Variants in FRZB observed in about 807,000 individuals in gnomAD.
The protein encoded by FRZB is frizzled related protein.
A neutral mutation model predicts 32.5 loss-of-function variants in FRZB; 34 were observed. That is an observed-to-expected ratio of 1.05 (90% CI 0.80 to 1.39). The LOEUF is 1.39. Ranked by LOEUF, FRZB falls within the 40% of genes most tolerant of loss-of-function variation. The pLI is 0.00. For synonymous variants in FRZB, 170 were observed against 159.2 expected (o/e 1.07, Z -0.51); for missense variants, 423 against 424.8 (o/e 1.00, Z 0.04).
Position 182,866,575 on chromosome 2 carries a change from G to A in FRZB, c.-23C>T. ...CATGATCCCGGCAGGATGGGGCAGG[G>A]TGCAGCCGCGCAGTGGACGCCAAAA... On this transcript the variant is annotated 5_prime_UTR_variant, in exon 1 of 6. Transcript: ENST00000295113. The surrounding 1 kb of genome is among the most constrained non-coding windows in gnomAD (Gnocchi z 4.5). The A allele has an allele frequency of 7.0e-7, 1 of 1,420,238 alleles. No individual in the cohort carries two copies. Among genetic ancestry groups the A allele is most frequent in the South Asian group, 1.5e-5 (1 of 66,100 alleles). The allele number at this position is 1,420,238 out of a possible 1,614,324, so 88.0% of individuals were successfully genotyped here.
chr2:182,842,952 G>GT (rs1339961867), intron 2 of FRZB, among the ~76,000 whole-genome samples: 1 of 152,074 alleles, frequency 6.6e-6, no homozygotes. Context: ...ATCACCTAAT[G>GT]TTTTTTTACT....
chr2:182,864,201 T>C (rs927492420), intron 1 of FRZB, among the ~76,000 whole-genome samples: 1 of 152,184 alleles, frequency 6.6e-6, no homozygotes, highest in African/African-American at 2.4e-5. Flanking sequence ...CTGCTTCCTA[T>C]CCATATTGAC....
chr2:182,853,000 G>A (rs1695726647), intron 2 of FRZB, among the ~76,000 whole-genome samples: 1 of 152,186 alleles, frequency 6.6e-6, no homozygotes, highest in Non-Finnish European at 1.5e-5. Context: ...GTGTTTTCAT[G>A]CCTTCCTCAT....
At chr2:182,837,407 C>T (rs1482528815) in intron 5 of FRZB, among the ~76,000 whole-genome samples, 1 of 152,000 alleles carries the variant, frequency 6.6e-6, no homozygotes, top group Non-Finnish European at 1.5e-5. Context: ...TTATTCTCCC[C>T]TTCTCACAAA....
intron 1 of FRZB, 119 bp downstream of exon 1, chr2:182,865,956 T>C (rs1356505167): frequency 1.3e-6 from 1 of 760,002 alleles, no homozygotes; most frequent in Non-Finnish European, 2.2e-6. Context: ...GAGGAGCAGT[T>C]ATGGGAGAGA....
intron 2 of FRZB, among the ~76,000 whole-genome samples, chr2:182,849,572 G>A (rs997183458): frequency 6.6e-6 from 1 of 152,154 alleles, no homozygotes; most frequent in Non-Finnish European, 1.5e-5. Flanking sequence ...TGGAAAATGT[G>A]ATGAAGTTGA....
intron 2 of FRZB, among the ~76,000 whole-genome samples, chr2:182,852,805 G>A (rs1338656143): frequency 6.6e-6 from 1 of 152,140 alleles, no homozygotes; most frequent in African/African-American, 2.4e-5. Context: ...TATTACAATA[G>A]TGAATTTGCA....
intron 2 of FRZB, among the ~76,000 whole-genome samples, chr2:182,851,393 C>T (rs955591294): frequency 1.3e-5 from 2 of 152,178 alleles, no homozygotes; most frequent in Non-Finnish European, 2.9e-5. Flanking sequence ...CGGTGGCTCA[C>T]GCCTGTAATC....
rs752204030 is a variant in FRZB, at chr2:182,866,077, G to A, written c.476C>T (p.Ala159Val). Residue 159 changes from alanine to valine, a missense_variant and splice_region_variant, in exon 1 of 6, where the codon GCT becomes GTT. Coordinates refer to ENST00000295113, the MANE Select transcript of FRZB (RefSeq NM_001463.4). This position sits in a 1 kb window ranked among gnomAD's most constrained non-coding sequence, Gnocchi z 4.5. The stretch of plus-strand genomic sequence containing the variant: ...GGGTGGGCCGTGTCAAAACTCACCA[G>A]CTCCGTCCGCAGTAACGATGGCCTC... Reference protein sequence around the residue: ...SPEAIVTADGADFPMDSSNGN... With the variant: ...SPEAIVTADGVDFPMDSSNGN... 2.9e-5 allele frequency: 47 copies of A among 1,606,436 alleles called. No homozygotes were observed. Among genetic ancestry groups the A allele is most frequent in the African/African-American group, 4.0e-5 (3 of 74,808 alleles).
At chr2:182,865,487 A>T (rs975588974) in intron 1 of FRZB, among the ~76,000 whole-genome samples, 2 of 152,206 alleles carry the variant, frequency 1.3e-5, no homozygotes, top group Non-Finnish European at 2.9e-5. Flanking sequence ...GGTGAAGGTA[A>T]TTGCTCAAAC....
intron 1 of FRZB, among the ~76,000 whole-genome samples, chr2:182,859,232 C>T (rs1375946402): frequency 2.0e-5 from 3 of 151,900 alleles, no homozygotes; most frequent in African/African-American, 7.2e-5. Context: ...ACATATCACA[C>T]TGAACTGGTA....
At chr2:182,854,320 C>T (rs922025381) in intron 2 of FRZB, among the ~76,000 whole-genome samples, 1 of 152,130 alleles carries the variant, frequency 6.6e-6, no homozygotes, top group African/African-American at 2.4e-5. Context: ...CATCTTGTTT[C>T]TCCCACTGAA....
rs78455649 is a variant in FRZB at position 182,853,421 on chromosome 2, A to G, written c.526+5365T>C. ...TTTGACCCACCAATTGCAGTTTTATACAAATGAGCTTTTCAGTTCGGGTTG... is the reference window on the plus strand; with the variant it reads ...TTTGACCCACCAATTGCAGTTTTATGCAAATGAGCTTTTCAGTTCGGGTTG... On this transcript the variant is annotated intron_variant, in intron 2 of 5. Transcript: ENST00000295113. 1.6e-4 allele frequency among the ~76,000 whole-genome samples: 24 copies of G among 152,344 alleles called. No individual in the cohort carries two copies. The East Asian group carries it at 4.4e-3, about 28-fold the overall frequency.
intron 2 of FRZB, among the ~76,000 whole-genome samples, chr2:182,853,320 T>C (rs1295545910): frequency 6.6e-6 from 1 of 152,224 alleles, no homozygotes; most frequent in Non-Finnish European, 1.5e-5. Flanking sequence ...CTTTCTTTCA[T>C]ACATTGAAGT....
Position 182,866,284 on chromosome 2 carries a change from G to A in FRZB, c.269C>T (p.Ala90Val). Residue 90 changes from alanine (A) to valine (V), a missense_variant, in exon 1 of 6, where the codon GCC becomes GTC. By Grantham distance (64) the Ala-to-Val change is moderately conservative. Coordinates refer to ENST00000295113, the MANE Select transcript of FRZB (RefSeq NM_001463.4). The surrounding 1 kb of genome is among the most constrained non-coding windows in gnomAD (Gnocchi z 4.5). ...AATGGTGCAGATGGGCGCGTACATGGCACAGAGGAAGAAGAGCAGATCGGG... is the reference window on the plus strand; with the variant it reads ...AATGGTGCAGATGGGCGCGTACATGACACAGAGGAAGAAGAGCAGATCGGG... ...CSPDLLFFLCAMYAPICTIDF... is the reference protein window; with the variant it reads ...CSPDLLFFLCVMYAPICTIDF... The A allele has an allele frequency of 6.2e-7, 1 of 1,614,252 alleles. No individual in the cohort carries two copies. Among genetic ancestry groups the A allele is most frequent in the South Asian group, 1.1e-5 (1 of 91,092 alleles).
chr2:182,865,945 A>G lies in FRZB; in HGVS notation c.478+130T>C, dbSNP rs1574991030. On this transcript the variant is annotated intron_variant, in intron 1 of 5. Coordinates refer to ENST00000295113, the MANE Select transcript of FRZB (RefSeq NM_001463.4). The stretch of plus-strand genomic sequence containing the variant: ...AGAAAGAAGAAGAAGGGTCTTTGAT[A>G]GAGGAGCAGTTATGGGAGAGATTAA... 5.8e-5 allele frequency: 41 copies of G among 705,840 alleles called. No individual in the cohort carries two copies. In the East Asian group the frequency reaches 1.1e-3, roughly 19 times the overall value. 43.7% of individuals were successfully genotyped at this position (705,840 alleles called of 1,614,324 possible).
chr2:182,861,303 T>G (rs12473127), intron 1 of FRZB, among the ~76,000 whole-genome samples: 68,935 of 152,078 alleles, frequency 0.45, 17,098 homozygotes, highest in Non-Finnish European at 0.55. Context: ...CTAGCTCTGC[T>G]AACTTGGACA....
At chr2:182,836,316 A>G (rs1298513452) in intron 5 of FRZB, among the ~76,000 whole-genome samples, 1 of 152,086 alleles carries the variant, frequency 6.6e-6, no homozygotes, top group African/African-American at 2.4e-5. Context: ...ACACATCTTC[A>G]AATTGACTGG....
At chr2:182,851,750 G>A (rs189920552) in intron 2 of FRZB, among the ~76,000 whole-genome samples, 8 of 152,230 alleles carry the variant, frequency 5.3e-5, no homozygotes, top group Non-Finnish European at 1.5e-5. Flanking sequence ...AGGTAGAAGT[G>A]TTACAGGAGG....
Sources: allele counts gnomAD v4.1 joint callset (sites outside exome capture counted in the v4.1 genomes callset), GRCh38; gene constraint gnomAD v4.1.1; non-coding constraint Gnocchi (gnomAD v3.1); transcripts MANE v1.5; gene names NCBI Gene and HGNC (gene_info 2026-07-23, HGNC 2026-07-21).